The following SP110 variants were observed in gnomAD, a reference collection of about 807,000 sequenced individuals.
SP110 encodes interferon-induced protein 41, 30kD.
SP110 carries 62 observed loss-of-function variants against 92.7 expected under a neutral mutation model. The observed-to-expected ratio is 0.67, with a 90% CI of 0.55 to 0.83. The LOEUF (loss-of-function observed/expected upper bound fraction) is 0.83, where lower values mean the gene tolerates loss of function less well. SP110 is among the 40% of genes least tolerant of loss of function. The pLI is 0.00. For synonymous variants in SP110, 273 were observed against 305.3 expected, an observed-to-expected ratio of 0.89 and a Z score of 1.10; for missense variants, 793 against 863.9, an observed-to-expected ratio of 0.92 and a Z score of 1.03.
chr2:230,195,317 C>T (rs1335353625), intron 10 of SP110, among the ~76,000 whole-genome samples: 1 of 152,126 alleles, frequency 6.6e-6, no homozygotes, highest in South Asian at 2.1e-4. Flanking sequence ...TACTAGAGGA[C>T]TAACATTTAA....
Position 230,183,645 on chromosome 2 carries a change from A to G in SP110, c.1280-5T>C. 1 of 1,469,308 alleles carries G rather than the reference A, an allele frequency of 6.8e-7. No homozygotes were observed. The highest frequency in any genetic ancestry group is 1.1e-5 in the South Asian group (1 of 88,202). The allele number at this position is 1,469,308 out of a possible 1,614,324, so 91.0% of individuals were successfully genotyped here. ...TATCTTTCTCCTTTTTCTTTTCTAA[A>G]CACAGAATTAATAATCACTTATAGC... is the stretch of plus-strand genomic sequence containing the variant. On this transcript the variant is annotated splice_polypyrimidine_tract_variant and splice_region_variant and intron_variant, in intron 11 of 18. Coordinates refer to ENST00000258381, the MANE Select transcript of SP110 (RefSeq NM_080424.4).
At position 230,172,845 on chromosome 2, in the gene SP110, T is replaced by C; in HGVS notation, c.1705A>G (p.Arg569Gly). Residue 569 changes from arginine to glycine, a missense_variant and splice_region_variant, in exon 15 of 19, where the codon AGG (arginine) becomes GGG (glycine). Coordinates refer to ENST00000258381, the MANE Select transcript of SP110 (RefSeq NM_080424.4). ...DCHIPPVEAK[R>G]MLWSCTFCRM... is the part of the protein sequence containing the mutation. ...GAGGCGGGGCTGCATCCCACTCACC[T>C]CTTGGCTTCCACAGGGGGGATGTGA... 1 of 1,608,252 alleles carries C rather than the reference T, an allele frequency of 6.2e-7. No homozygotes were observed. The highest frequency in any genetic ancestry group is 8.5e-7 in the Non-Finnish European group (1 of 1,174,614).
At chr2:230,205,600 A>T (rs1310384749) in intron 8 of SP110, among the ~76,000 whole-genome samples, 16 of 116,130 alleles carry the variant, frequency 1.4e-4, no homozygotes, top group South Asian at 7.8e-4. Flanking sequence ...TCTCTCTTTA[A>T]AAAAAAAATC....
At chr2:230,172,493 G>C in intron 15 of SP110, 1 of 536,546 alleles carries the variant, frequency 1.9e-6, no homozygotes, top group Non-Finnish European at 3.4e-6. Context: ...CACCTGCAGG[G>C]ACCTCAGGCC....
intron 10 of SP110, among the ~76,000 whole-genome samples, chr2:230,196,462 T>A (rs1431080845): frequency 1.3e-5 from 2 of 152,082 alleles, no homozygotes; most frequent in African/African-American, 4.8e-5. Context: ...AAGAAAAATG[T>A]ATGCATACTT....
rs180811113 is a variant in SP110, at chr2:230,211,451, T to A, written c.751+19A>T. The A allele has an allele frequency of 1.2e-5, 18 of 1,507,750 alleles. No individual in the cohort carries two copies. In the East Asian group the frequency reaches 3.4e-4, roughly 28 times the overall value. 93.4% of individuals were successfully genotyped at this position (1,507,750 alleles called of 1,614,324 possible). ...ACAGAAACAAAGGCAAGCTTTTAGG[T>A]TGACCAAACCAAGATTACCTGGCAT... On this transcript the variant is annotated intron_variant, in intron 6 of 18. Coordinates refer to ENST00000258381, the MANE Select transcript of SP110 (RefSeq NM_080424.4). The surrounding 1 kb of genome is among the most constrained non-coding windows in gnomAD (Gnocchi z 4.2).
chr2:230,178,299 C>T (rs201398478), intron 12 of SP110, 44 bp from the exon 13 acceptor site: 137 of 1,132,264 alleles, frequency 1.2e-4, no homozygotes, highest in Middle Eastern at 3.8e-4. Context: ...AGTCTTCACT[C>T]CATCTTCCTT....
rs1021776051 is a variant in SP110 at position 230,176,408 on chromosome 2, T to G, written c.1590+1130A>C. Reference sequence around the variant, plus strand: ...GTTGCCTAGGCTTAGAGCATTTTATTTCTGACACCTTTGGTTTATAGCCAT... The same window carrying G: ...GTTGCCTAGGCTTAGAGCATTTTATGTCTGACACCTTTGGTTTATAGCCAT... On this transcript the variant is annotated intron_variant, in intron 14 of 18. Coordinates refer to ENST00000258381, the MANE Select transcript of SP110 (RefSeq NM_080424.4). The G allele has an allele frequency of 4.4e-5, 58 of 1,317,118 alleles. No homozygotes were observed. The African/African-American group carries it at 8.3e-4, about 19-fold the overall frequency. The allele number at this position is 1,317,118 out of a possible 1,614,324, so 81.6% of individuals were successfully genotyped here.
At chr2:230,218,587 C>T (rs556264354) in intron 1 of SP110, among the ~76,000 whole-genome samples, 1 of 152,262 alleles carries the variant, frequency 6.6e-6, no homozygotes, top group African/African-American at 2.4e-5. Context: ...ATTCATTATA[C>T]AGCAGCGCTC....
chr2:230,212,208 T>C, intron 5 of SP110, 139 bp downstream of exon 5: 1 of 710,318 alleles, frequency 1.4e-6, no homozygotes, highest in Non-Finnish European at 2.5e-6. Context: ...GTTGGTGAAT[T>C]GGCCCCTTCT....
chr2:230,189,192 A>T (rs1246651923), intron 10 of SP110, among the ~76,000 whole-genome samples: 1 of 150,926 alleles, frequency 6.6e-6, no homozygotes, highest in African/African-American at 2.4e-5. Context: ...TTTTTGTTTC[A>T]ATTTTATTTC....
At position 230,199,153 on chromosome 2, in the gene SP110, T is replaced by A. The variant is rs1224585307; in HGVS notation, c.1129+1732A>T. Among the ~76,000 whole-genome samples, 755 of 107,818 alleles carry A rather than the reference T, an allele frequency of 7.0e-3. 5 individuals carry two copies. The highest frequency in any genetic ancestry group is 0.028 in the African/African-American group (636 of 22,702). 70.7% of individuals were successfully genotyped at this position (107,818 alleles called of 152,430 possible). On this transcript the variant is annotated intron_variant, in intron 10 of 18. Coordinates refer to ENST00000258381, the MANE Select transcript of SP110 (RefSeq NM_080424.4). ...CTATTATTATTATTATTATTATTTT[T>A]TTTTTTTTTTAGTGGGGTGAGGTTT...
At chr2:230,189,228 C>A (rs2042498586) in intron 10 of SP110, among the ~76,000 whole-genome samples, 1 of 150,318 alleles carries the variant, frequency 6.7e-6, no homozygotes, top group African/African-American at 2.4e-5. Context: ...TTCTTTTTTT[C>A]TGCTAGCTTT....
Position 230,169,151 on chromosome 2 carries a change from A to C in SP110, c.2115T>G (p.Asn705Lys). Residue 705 changes from asparagine to lysine, a missense_variant, in exon 19 of 19, where the codon AAT (asparagine) becomes AAG (lysine). Transcript: ENST00000258381. Reference protein sequence around the residue: ...LKDVLGFHEANDGGFWTLP With the variant: ...LKDVLGFHEAKDGGFWTLP ...AAGGAAGAGTCCAGAAACCGCCGTC[A>C]TTGGCTTCATGAAAACCGAGCACGT... The C allele has an allele frequency of 6.2e-7, 1 of 1,613,604 alleles. No homozygotes were observed. Among genetic ancestry groups the C allele is most frequent in the East Asian group, 2.2e-5 (1 of 44,870 alleles).
At position 230,165,699 on chromosome 2, in the gene SP110, A is replaced by T. The variant is rs920510544; in HGVS notation, c.*3425T>A. Among the ~76,000 whole-genome samples, 2 of 152,160 alleles carry T rather than the reference A, an allele frequency of 1.3e-5. No individual in the cohort carries two copies. The highest frequency in any genetic ancestry group is 3.8e-4 in the East Asian group (2 of 5,200). On this transcript the variant is annotated 3_prime_UTR_variant, in exon 19 of 19. Coordinates refer to ENST00000258381, the MANE Select transcript of SP110 (RefSeq NM_080424.4). The stretch of plus-strand genomic sequence containing the variant: ...GCCTTAAGTATGTGACACATTACAG[A>T]TATTTTATTTTTGACTTTGACATTA...
At chr2:230,177,766 C>A (rs1044607510) in intron 13 of SP110, 86 bp from the exon 14 acceptor site, 80 of 1,442,298 alleles carry the variant, frequency 5.5e-5, no homozygotes, top group Non-Finnish European at 4.9e-5. Flanking sequence ...GGCCTTCTAC[C>A]TTTCCAGGTC....
rs750973845 is a variant in SP110 at position 230,177,582 on chromosome 2, G to A, written c.1546C>T (p.Arg516Trp). The A allele has an allele frequency of 5.0e-6, 8 of 1,613,978 alleles. No individual in the cohort carries two copies. Among genetic ancestry groups the A allele is most frequent in the Admixed American group, 1.7e-5 (1 of 60,012 alleles). ...GTCATTCCTTCACAACGTATATTCC[G>A]TTTCCAGTTCTTTGCGTTCCTTCCT... ...GKGRNAKNWKRNIRCEGMTLG... is the reference protein window; with the variant it reads ...GKGRNAKNWKWNIRCEGMTLG... Residue 516 changes from arginine (R) to tryptophan (W), a missense_variant, in exon 14 of 19, where the codon CGG becomes TGG. Transcript: ENST00000258381.
chr2:230,201,011 G>A, intron 9 of SP110, 46 bp from the exon 10 acceptor site: 1 of 1,452,540 alleles, frequency 6.9e-7, no homozygotes, highest in Non-Finnish European at 9.7e-7. Flanking sequence ...GAAACACCAT[G>A]GAGAATCTCC....
chr2:230,172,153 G>A lies in SP110; in HGVS notation c.1728C>T (p.Phe576=). The stretch of plus-strand genomic sequence containing the variant: ...TTCCTGAAGACCTCTTCATCCTGCA[G>A]AAGGTGCAACTCCACAGCATCCTGA... ...EAKRMLWSCT[F]CRMKRSSGSQ... is the part of the protein sequence containing the mutation. The change falls in exon 16 of 19, where the codon TTC becomes TTT. Residue 576 remains phenylalanine, a synonymous_variant. Transcript: ENST00000258381. 6.2e-7 allele frequency: 1 copy of A among 1,611,494 alleles called. No homozygotes were observed. Among genetic ancestry groups the A allele is most frequent in the Non-Finnish European group, 8.5e-7 (1 of 1,177,462 alleles).
Sources: gnomAD v4.1 joint callset for allele counts (sites outside exome capture counted in the v4.1 genomes callset) on GRCh38, gnomAD v4.1.1 for gene constraint, Gnocchi (gnomAD v3.1) non-coding constraint, MANE v1.5 for transcripts, NCBI Gene and HGNC (gene_info 2026-07-23, HGNC 2026-07-21) for gene names.